SNU13: variants seen among roughly 807,000 people sequenced by gnomAD.
SNU13 encodes the protein NHP2-like protein 1.
In SNU13, 2 loss-of-function variants were observed where a neutral mutation model predicts 12.4. That is an observed-to-expected ratio of 0.16 (90% CI 0.07 to 0.51). The LOEUF (loss-of-function observed/expected upper bound fraction) is 0.51, where lower values mean the gene tolerates loss of function less well. SNU13 is among the 20% of genes least tolerant of loss of function. The pLI is 0.96. For synonymous variants in SNU13, 68 were observed against 66.5 expected, an observed-to-expected ratio of 1.02 and a Z score of -0.11; for missense variants, 66 against 157.8, an observed-to-expected ratio of 0.42 and a Z score of 3.12.
upstream of SNU13, among the ~76,000 whole-genome samples, chr22:41,689,800 A>T (rs1325411644): frequency 6.7e-6 from 1 of 150,054 alleles, no homozygotes; most frequent in Non-Finnish European, 1.5e-5. Flanking sequence ...CAATATGGAG[A>T]AACCCCCGTC....
intron 1 of SNU13, among the ~76,000 whole-genome samples, chr22:41,682,875 C>T (rs2068277868): frequency 6.6e-6 from 1 of 152,114 alleles, no homozygotes; most frequent in Non-Finnish European, 1.5e-5. Flanking sequence ...TCTCGAACTC[C>T]TGATCTCAGG....
chr22:41,686,313 T>C (rs573201357), intron 1 of SNU13, among the ~76,000 whole-genome samples: 1 of 151,864 alleles, frequency 6.6e-6, no homozygotes, highest in South Asian at 2.1e-4. Flanking sequence ...TCTTTTTTTT[T>C]TTTTTTTAAG....
chr22:41,675,739 T>A (rs891967042), intron 2 of SNU13, among the ~76,000 whole-genome samples: 1 of 147,738 alleles, frequency 6.8e-6, no homozygotes, highest in African/African-American at 2.5e-5. Flanking sequence ...ACAACTTTTT[T>A]CTTTCTTTTT....
intron 1 of SNU13, among the ~76,000 whole-genome samples, chr22:41,686,057 G>A (rs1363909333): frequency 2.6e-5 from 4 of 151,556 alleles, no homozygotes; most frequent in African/African-American, 7.3e-5. Context: ...AGATTCTCTC[G>A]CCTCAGCCTC....
At chr22:41,690,266 C>T (rs1279304177), upstream of SNU13, among the ~76,000 whole-genome samples, 2 of 152,176 alleles carry the variant, frequency 1.3e-5, no homozygotes, top group African/African-American at 4.8e-5. Flanking sequence ...AATAGAAGGA[C>T]AGGCAGATCC....
In SNU13 at chr22:41,688,861, T is replaced by A; in HGVS notation, c.-65A>T. Reference sequence around the variant, plus strand: ...AGCTGACGTTTCAGAAGCACTCGCGTGCACCGGAAAAACTCACAGAAGCAG... The same window carrying A: ...AGCTGACGTTTCAGAAGCACTCGCGAGCACCGGAAAAACTCACAGAAGCAG... On this transcript the variant is annotated 5_prime_UTR_variant, in exon 1 of 3. Coordinates refer to ENST00000401959, the MANE Select transcript of SNU13 (RefSeq NM_001003796.2). 1 of 1,533,428 alleles carries A rather than the reference T, an allele frequency of 6.5e-7. No individual in the cohort carries two copies. Among genetic ancestry groups the A allele is most frequent in the Non-Finnish European group, 8.8e-7 (1 of 1,131,158 alleles). The allele number at this position is 1,533,428 out of a possible 1,614,324, so 95.0% of individuals were successfully genotyped here.
intron 2 of SNU13, 96 bp downstream of exon 2, chr22:41,680,148 A>G: frequency 7.0e-7 from 1 of 1,427,850 alleles, no homozygotes; most frequent in South Asian, 1.6e-5. Flanking sequence ...AGTCGAGAGC[A>G]GCTAGCCCTC....
At chr22:41,682,452 T>A in intron 1 of SNU13, 2 of 1,606,768 alleles carry the variant, frequency 1.2e-6, no homozygotes, top group Non-Finnish European at 1.7e-6. Context: ...AGGACACGGA[T>A]GCCCCGCCCC....
chr22:41,688,918 A>G, upstream of SNU13: 1 of 1,458,418 alleles, frequency 6.9e-7, no homozygotes. Flanking sequence ...GCAGGAAGCG[A>G]AGGTGACGCT....
chr22:41,675,544 C>A (rs959971982), intron 2 of SNU13, among the ~76,000 whole-genome samples: 1 of 151,728 alleles, frequency 6.6e-6, no homozygotes, highest in Non-Finnish European at 1.5e-5. Flanking sequence ...GCCTCAGTCT[C>A]CCAAGCAGCT....
At chr22:41,684,064 G>A (rs1012110601) in intron 1 of SNU13, among the ~76,000 whole-genome samples, 2 of 151,932 alleles carry the variant, frequency 1.3e-5, no homozygotes, top group African/African-American at 4.8e-5. Flanking sequence ...TCACCACACC[G>A]GGCTAATTTT....
chr22:41,685,542 C>T (rs1033119333), intron 1 of SNU13, among the ~76,000 whole-genome samples: 23 of 151,280 alleles, frequency 1.5e-4, no homozygotes, highest in Non-Finnish European at 2.1e-4. Context: ...TTAGTAAAGA[C>T]GGGGTTTCAC....
At chr22:41,685,305 A>G (rs932030088) in intron 1 of SNU13, among the ~76,000 whole-genome samples, 2 of 151,976 alleles carry the variant, frequency 1.3e-5, no homozygotes, top group African/African-American at 4.8e-5. Flanking sequence ...CCTCCTCAGT[A>G]ACTGGAACTA....
At position 41,675,055 on chromosome 22, in the gene SNU13, G is replaced by A; in HGVS notation, c.265C>T (p.Leu89=). ...PYVFVRSKQA[L]GRACGVSRPV... ...CTGGAGACCCCACAGGCTCTCCCCA[G>A]GGCCTGCTTGGAGCGCACAAACACG... The change falls in exon 3 of 3, where the codon CTG becomes TTG. Residue 89 remains leucine, a synonymous_variant. Transcript: ENST00000401959. 2 of 1,614,194 alleles carry A rather than the reference G, an allele frequency of 1.2e-6. No individual in the cohort carries two copies. Among genetic ancestry groups the A allele is most frequent in the Non-Finnish European group, 8.5e-7 (1 of 1,180,026 alleles).
At chr22:41,690,437 G>A, upstream of SNU13, 1 of 720,442 alleles carries the variant, frequency 1.4e-6, no homozygotes, top group Non-Finnish European at 2.6e-6. Flanking sequence ...GTCCTTACCT[G>A]CACCAAGAGC....
chr22:41,678,100 T>C (rs1006223729), intron 2 of SNU13, among the ~76,000 whole-genome samples: 1 of 152,032 alleles, frequency 6.6e-6, no homozygotes, highest in Non-Finnish European at 1.5e-5. Flanking sequence ...CTCAGCCTCC[T>C]GAGCAGCTGG....
In SNU13 at chr22:41,674,811, G is replaced by A; in HGVS notation, c.*122C>T. The stretch of plus-strand genomic sequence containing the variant: ...AAACAACACAAAAATCCAGAAACCA[G>A]ATTTAGTACTACATTTTATAACAAT... On this transcript the variant is annotated 3_prime_UTR_variant, in exon 3 of 3. Coordinates refer to ENST00000401959, the MANE Select transcript of SNU13 (RefSeq NM_001003796.2). The A allele has an allele frequency of 7.3e-7, 1 of 1,363,340 alleles. No homozygotes were observed. Among genetic ancestry groups the A allele is most frequent in the Non-Finnish European group, 1.0e-6 (1 of 1,004,634 alleles). 84.5% of individuals were successfully genotyped at this position (1,363,340 alleles called of 1,614,324 possible). A position where few individuals can be genotyped will look rare whatever the true frequency, so the allele number is the denominator to read the frequency against.
intron 1 of SNU13, among the ~76,000 whole-genome samples, chr22:41,683,505 T>G (rs1484681428): frequency 2.0e-5 from 3 of 152,174 alleles, no homozygotes; most frequent in Non-Finnish European, 4.4e-5. Flanking sequence ...CATCCCAAAG[T>G]ACTGGGATTA....
At chr22:41,681,937 C>T (rs2068267064) in intron 1 of SNU13, among the ~76,000 whole-genome samples, 1 of 152,132 alleles carries the variant, frequency 6.6e-6, no homozygotes, top group Admixed American at 6.5e-5. Flanking sequence ...GCCTATTCCG[C>T]TCCTTCCATC....
Sources: allele counts gnomAD v4.1 joint callset (sites outside exome capture counted in the v4.1 genomes callset), GRCh38; gene constraint gnomAD v4.1.1; transcripts MANE v1.5; gene names NCBI Gene and HGNC (gene_info 2026-07-23, HGNC 2026-07-21).